LPP: variants seen among roughly 807,000 people sequenced by gnomAD.
LPP encodes the protein lipoma-preferred partner.
Under a neutral mutation model 60.4 loss-of-function variants are expected in LPP, and 38 were observed. The ratio of observed to expected loss-of-function variants is 0.63; its 90% confidence interval spans 0.49 to 0.83. LPP has a LOEUF of 0.83. Ranked by LOEUF, LPP falls within the 40% of genes least tolerant of loss-of-function variation. LPP has a pLI of 0.00. For synonymous variants in LPP, 328 were observed against 290.8 expected, an observed-to-expected ratio of 1.13 and a Z score of -1.30; for missense variants, 902 against 783.6, an observed-to-expected ratio of 1.15 and a Z score of -1.80.
intron 2 of LPP, among the ~76,000 whole-genome samples, chr3:188,336,832 C>T (rs1313679083): frequency 6.6e-6 from 1 of 152,136 alleles, no homozygotes; most frequent in Admixed American, 6.5e-5. Flanking sequence ...CACATCAGCT[C>T]AGCTTTGGGA....
intron 2 of LPP, among the ~76,000 whole-genome samples, chr3:188,266,474 G>GGA (rs1172902089): frequency 3.3e-5 from 5 of 151,430 alleles, no homozygotes; most frequent in East Asian, 1.9e-4. Context: ...AGATGTGAAA[G>GGA]GAGAGAGAGA....
chr3:188,676,254 T>C (rs1028560258), intron 7 of LPP, among the ~76,000 whole-genome samples: 2 of 152,280 alleles, frequency 1.3e-5, no homozygotes, highest in Admixed American at 1.3e-4. Context: ...ACTAAAATAC[T>C]GAAACAGCTA....
chr3:188,871,827 T>C (rs1768171363), intron 10 of LPP, among the ~76,000 whole-genome samples: 1 of 152,180 alleles, frequency 6.6e-6, no homozygotes. Flanking sequence ...AATTGTTAGG[T>C]ACCATTGATC....
At chr3:188,267,050 G>A (rs563700705) in intron 2 of LPP, among the ~76,000 whole-genome samples, 2 of 152,268 alleles carry the variant, frequency 1.3e-5, no homozygotes, top group East Asian at 3.9e-4. Context: ...CTGCTTCCAA[G>A]TCCCTCCTCC....
At chr3:188,510,146 C>T (rs1579486430) in intron 5 of LPP, among the ~76,000 whole-genome samples, 1 of 152,050 alleles carries the variant, frequency 6.6e-6, no homozygotes, top group East Asian at 1.9e-4. Flanking sequence ...GAGACATGAG[C>T]AGAATTCTGG....
chr3:188,604,157 A>T (rs1841975745), intron 6 of LPP, among the ~76,000 whole-genome samples: 1 of 152,034 alleles, frequency 6.6e-6, no homozygotes, highest in Non-Finnish European at 1.5e-5. Flanking sequence ...GAGTGCAATG[A>T]GTGTGACTTT....
At chr3:188,786,205 C>A (rs924236498) in intron 9 of LPP, among the ~76,000 whole-genome samples, 4 of 151,482 alleles carry the variant, frequency 2.6e-5, no homozygotes, top group Non-Finnish European at 5.9e-5. Flanking sequence ...CATGCTGAAA[C>A]CCTGTCTCTA....
chr3:188,215,571 T>C (rs1713224164), intron 1 of LPP, among the ~76,000 whole-genome samples: 1 of 152,240 alleles, frequency 6.6e-6, no homozygotes, highest in African/African-American at 2.4e-5. Context: ...AAGCGTAGTG[T>C]CCTTAAGGTT....
intron 4 of LPP, among the ~76,000 whole-genome samples, chr3:188,417,162 C>T (rs1786521460): frequency 6.6e-6 from 1 of 152,044 alleles, no homozygotes; most frequent in African/African-American, 2.4e-5. Flanking sequence ...CCAGCACTCT[C>T]CCTTATTATA....
chr3:188,513,722 A>G (rs1310090769), intron 5 of LPP, among the ~76,000 whole-genome samples: 2 of 152,102 alleles, frequency 1.3e-5, no homozygotes, highest in South Asian at 4.1e-4. Context: ...TTTTTGTTGC[A>G]TATTTAGTTT....
intron 2 of LPP, among the ~76,000 whole-genome samples, chr3:188,327,647 T>A (rs1458379572): frequency 6.6e-6 from 1 of 152,138 alleles, no homozygotes; most frequent in Non-Finnish European, 1.5e-5. Flanking sequence ...TATGGTGACA[T>A]CATACAGATG....
chr3:188,447,573 G>C (rs1199382909), intron 4 of LPP, among the ~76,000 whole-genome samples: 1 of 140,676 alleles, frequency 7.1e-6, no homozygotes, highest in African/African-American at 2.7e-5. Flanking sequence ...TTACACCATA[G>C]CAGTCCAGCC....
At chr3:188,193,259 C>T (rs12487926) in intron 1 of LPP, among the ~76,000 whole-genome samples, 19,517 of 152,114 alleles carry the variant, frequency 0.13, 2,125 homozygotes, top group East Asian at 0.54. Flanking sequence ...TCAACCATTA[C>T]AACAAGGAAA....
chr3:188,285,639 T>C (rs1217868641), intron 2 of LPP, among the ~76,000 whole-genome samples: 1 of 152,142 alleles, frequency 6.6e-6, no homozygotes, highest in Non-Finnish European at 1.5e-5. Flanking sequence ...TAAGCTCAAG[T>C]GGTCAGCCTG....
chr3:188,617,046 T>C (rs779999288), intron 7 of LPP, among the ~76,000 whole-genome samples: 2 of 152,114 alleles, frequency 1.3e-5, no homozygotes, highest in Non-Finnish European at 2.9e-5. Context: ...TTTATTTCCT[T>C]TATGGATAAG....
chr3:188,193,073 A>T (rs1728612178), intron 1 of LPP, among the ~76,000 whole-genome samples: 2 of 152,204 alleles, frequency 1.3e-5, no homozygotes, highest in Admixed American at 1.3e-4. Context: ...TGCTGTTGTG[A>T]CAGGGCTTTC....
chr3:188,170,836 A>G (rs986432148), intron 1 of LPP, among the ~76,000 whole-genome samples: 1 of 152,152 alleles, frequency 6.6e-6, no homozygotes, highest in Non-Finnish European at 1.5e-5. Flanking sequence ...TCCTGGAAAG[A>G]CATCTACTTC....
chr3:188,547,060 C>G lies in LPP; in HGVS notation c.429+22273C>G, dbSNP rs80198027. ...TGAACAAGGCTGTATGGATGCCTAG[C>G]GGAAGGTGCTCCAATATTCTCCTGG... On this transcript the variant is annotated intron_variant, in intron 6 of 11. Transcript: ENST00000617246. 6.5e-3 allele frequency among the ~76,000 whole-genome samples: 982 copies of G among 152,222 alleles called. 13 individuals carry two copies. Among genetic ancestry groups the G allele is most frequent in the East Asian group, 0.046 (237 of 5,180 alleles).
At chr3:188,392,484 T>C (rs930691431) in intron 3 of LPP, among the ~76,000 whole-genome samples, 8 of 152,106 alleles carry the variant, frequency 5.3e-5, no homozygotes, top group African/African-American at 1.9e-4. Flanking sequence ...CAAATACAAG[T>C]TTTGCAATGA....
Sources: allele counts gnomAD v4.1 joint callset (sites outside exome capture counted in the v4.1 genomes callset), GRCh38; gene constraint gnomAD v4.1.1; transcripts MANE v1.5; gene names NCBI Gene and HGNC (gene_info 2026-07-23, HGNC 2026-07-21).